Variants in DLG2 observed in about 807,000 individuals in gnomAD.
DLG2 encodes the protein discs large MAGUK scaffold protein 2, also known as disks large homolog 2.
DLG2 carries 45 observed loss-of-function variants against 132.5 expected under a neutral mutation model. The ratio of observed to expected loss-of-function variants is 0.34; its 90% CI spans 0.27 to 0.44. The LOEUF (loss-of-function observed/expected upper bound fraction) is 0.44. Among genes scored for constraint, DLG2 ranks in the 20% least tolerant of loss-of-function variants. The pLI, the probability that DLG2 is intolerant of heterozygous loss-of-function variation, is 1.00. For synonymous variants in DLG2, 424 were observed against 419.6 expected, an observed-to-expected ratio of 1.01 and a Z score of -0.13; for missense variants, 1,045 against 1,196.9, an observed-to-expected ratio of 0.87 and a Z score of 1.87.
chr11:85,257,135 T>A (rs1323001880), intron 4 of DLG2, among the ~76,000 whole-genome samples: 1 of 152,210 alleles, frequency 6.6e-6, no homozygotes, highest in African/African-American at 2.4e-5. Flanking sequence ...ATGAATAATT[T>A]CATGATATCT....
rs1565750097 is a variant in DLG2 at position 84,714,606 on chromosome 11, TCTCTTTCTC to T, written c.358-179884_358-179876del. 9.2e-4 allele frequency among the ~76,000 whole-genome samples: 94 copies of T among 101,894 alleles called. 1 individual carries two copies. The highest frequency in any genetic ancestry group is 3.4e-3 in the African/African-American group (87 of 25,432). The allele number at this position is 101,894 out of a possible 152,430, so 66.8% of individuals were successfully genotyped here. Reference sequence around the variant, plus strand: ...CTTTCTCTTTCTCTTTCTTTCTCTTTCTCTTTCTCTTTCTCTTTCTCTCTCTCTCTCTCT... The same window carrying T: ...CTTTCTCTTTCTCTTTCTTTCTCTTTTTTCTCTTTCTCTCTCTCTCTCTCT... On this transcript the variant is annotated intron_variant, in intron 6 of 27. Coordinates refer to ENST00000376104, the MANE Select transcript of DLG2 (RefSeq NM_001142699.3).
chr11:83,848,520 C>T lies in DLG2; in HGVS notation c.1566-14750G>A, dbSNP rs142452875. Among the ~76,000 whole-genome samples, 846 of 152,268 alleles carry T rather than the reference C, an allele frequency of 5.6e-3. 2 individuals are homozygous for T. The highest frequency in any genetic ancestry group is 0.014 in the Middle Eastern group (4 of 294). On this transcript the variant is annotated intron_variant, in intron 16 of 27. Coordinates refer to ENST00000376104, the MANE Select transcript of DLG2 (RefSeq NM_001142699.3). ...GGGTTAATTGTGTCTGCCCAATTTT[C>T]AAATCAGAAACTTCTGCATTTTCTT... is the stretch of plus-strand genomic sequence containing the variant.
At chr11:83,740,298 A>T (rs1360474445) in intron 18 of DLG2, among the ~76,000 whole-genome samples, 4 of 152,188 alleles carry the variant, frequency 2.6e-5, no homozygotes, top group Non-Finnish European at 5.9e-5. Flanking sequence ...GTGGTATTTT[A>T]TACACTGGAA....
chr11:84,830,081 A>T (rs2078835315), intron 6 of DLG2, among the ~76,000 whole-genome samples: 1 of 151,622 alleles, frequency 6.6e-6, no homozygotes, highest in Non-Finnish European at 1.5e-5. Flanking sequence ...AACATTAATT[A>T]CTACCATGTA....
Position 85,623,516 on chromosome 11 carries a change from G to T in DLG2, c.-93+3071C>A, listed in dbSNP as rs934202469. 9.9e-5 allele frequency among the ~76,000 whole-genome samples: 15 copies of T among 152,222 alleles called. No homozygotes were observed. In the South Asian group the frequency reaches 2.7e-3, roughly 27 times the overall value. ...GATGGGGTTTCACCACGTTGGCCAG[G>T]CTGGTCTTGAACTCCTGACCTCATG... On this transcript the variant is annotated intron_variant, in intron 2 of 27. Coordinates refer to ENST00000376104, the MANE Select transcript of DLG2 (RefSeq NM_001142699.3).
intron 4 of DLG2, among the ~76,000 whole-genome samples, chr11:85,280,087 G>C (rs2078135885): frequency 6.6e-6 from 1 of 152,004 alleles, no homozygotes; most frequent in Non-Finnish European, 1.5e-5. Flanking sequence ...ATATAATGCA[G>C]TTTTACAAAA....
intron 4 of DLG2, among the ~76,000 whole-genome samples, chr11:85,214,672 T>G (rs2082463725): frequency 6.6e-6 from 1 of 152,220 alleles, no homozygotes; most frequent in African/African-American, 2.4e-5. Flanking sequence ...TCTCCAAGAC[T>G]ACTTAGCTTC....
At chr11:85,505,870 G>A (rs948777016) in intron 3 of DLG2, among the ~76,000 whole-genome samples, 7 of 152,112 alleles carry the variant, frequency 4.6e-5, no homozygotes, top group Admixed American at 3.9e-4. Flanking sequence ...TGGTTGGTAG[G>A]CTATTAATTA....
At chr11:83,492,632 T>G (rs1316289252) in intron 21 of DLG2, among the ~76,000 whole-genome samples, 1 of 152,108 alleles carries the variant, frequency 6.6e-6, no homozygotes, top group Non-Finnish European at 1.5e-5. Flanking sequence ...CCTCCCTCAG[T>G]CTTGTTCAAC....
chr11:84,370,365 C>T (rs1229811470), intron 7 of DLG2, among the ~76,000 whole-genome samples: 1 of 152,032 alleles, frequency 6.6e-6, no homozygotes, highest in Non-Finnish European at 1.5e-5. Context: ...TCCACCATTT[C>T]CAAGGAATCT....
At chr11:84,817,734 C>A (rs754581056) in intron 6 of DLG2, among the ~76,000 whole-genome samples, 2 of 151,940 alleles carry the variant, frequency 1.3e-5, no homozygotes, top group South Asian at 4.1e-4. Flanking sequence ...AAGACGATTA[C>A]TTTGGCAGGA....
chr11:84,560,354 G>A (rs2154526026), intron 6 of DLG2, among the ~76,000 whole-genome samples: 1 of 152,134 alleles, frequency 6.6e-6, no homozygotes, highest in Non-Finnish European at 1.5e-5. Flanking sequence ...CCATTAGGAG[G>A]GCTCACATTT....
chr11:84,316,398 G>A (rs1029709322), intron 7 of DLG2, among the ~76,000 whole-genome samples: 1 of 152,060 alleles, frequency 6.6e-6, no homozygotes, highest in African/African-American at 2.4e-5. Flanking sequence ...TCAAATCACT[G>A]TTTTCTATAG....
intron 4 of DLG2, among the ~76,000 whole-genome samples, chr11:85,254,470 T>C (rs987778138): frequency 6.6e-6 from 1 of 152,202 alleles, no homozygotes; most frequent in Admixed American, 6.5e-5. Flanking sequence ...TTTCATTCTG[T>C]TTTTAATTTA....
At chr11:84,975,873 T>C (rs758514202) in intron 6 of DLG2, among the ~76,000 whole-genome samples, 123 of 152,214 alleles carry the variant, frequency 8.1e-4, no homozygotes, top group Non-Finnish European at 2.5e-4. Context: ...TCTTCATGTT[T>C]AGCACTTCCA....
chr11:83,833,475 G>C, intron 17 of DLG2, 139 bp downstream of exon 17: 3 of 880,578 alleles, frequency 3.4e-6, no homozygotes, highest in Non-Finnish European at 5.1e-6. Context: ...ACAAAATTGT[G>C]ACATGCACCA....
At chr11:85,535,178 T>G (rs1262231328) in intron 3 of DLG2, among the ~76,000 whole-genome samples, 3 of 152,140 alleles carry the variant, frequency 2.0e-5, no homozygotes, top group African/African-American at 7.2e-5. Flanking sequence ...ATAGGGAGAT[T>G]TGTAGACCAT....
intron 6 of DLG2, among the ~76,000 whole-genome samples, chr11:84,629,437 A>T (rs11234100): frequency 0.21 from 31,681 of 152,144 alleles, 3,888 homozygotes; most frequent in East Asian, 0.47. Context: ...GGAGATTAGC[A>T]GCATCTCCAA....
intron 5 of DLG2, among the ~76,000 whole-genome samples, chr11:85,139,658 A>T (rs2076338520): frequency 6.6e-6 from 1 of 151,990 alleles, no homozygotes; most frequent in Admixed American, 6.6e-5. Context: ...AAATCTACTC[A>T]TTTAGCATGA....
Sources: gnomAD v4.1 joint callset for allele counts (sites outside exome capture counted in the v4.1 genomes callset) on GRCh38, gnomAD v4.1.1 for gene constraint, MANE v1.5 for transcripts, NCBI Gene and HGNC (gene_info 2026-07-23, HGNC 2026-07-21) for gene names.